The following ASPM variants were observed in gnomAD, a reference collection of about 807,000 sequenced individuals.
ASPM encodes the protein abnormal spindle-like microcephaly-associated protein.
Under a neutral mutation model 366.4 loss-of-function variants are expected in ASPM, and 256 were observed. That is an observed-to-expected ratio of 0.70 (90% CI 0.63 to 0.77). The LOEUF is 0.77. ASPM is among the 30% of genes least tolerant of loss of function. The probability of loss-of-function intolerance (pLI) is 0.00; values close to 1 mark genes in which losing one functional copy is unlikely to be tolerated. For missense variants in ASPM, 4,146 were observed against 4,090.4 expected (o/e 1.01, Z -0.37); for synonymous variants, 1,414 against 1,342.9 (o/e 1.05, Z -1.16).
intron 27 of ASPM, among the ~76,000 whole-genome samples, chr1:197,084,920 T>A (rs1571584428): frequency 6.6e-6 from 1 of 152,282 alleles, no homozygotes; most frequent in East Asian, 1.9e-4. Flanking sequence ...CCATTCTCCA[T>A]CCACCATTTC....
intron 7 of ASPM, among the ~76,000 whole-genome samples, chr1:197,130,696 T>A (rs1658230705): frequency 1.3e-5 from 2 of 152,218 alleles, no homozygotes; most frequent in Admixed American, 6.5e-5. Context: ...TTTACTTTTT[T>A]TGGCCTTTGA....
At position 197,124,094 on chromosome 1, in the gene ASPM, A is replaced by G. The variant is rs780893078; in HGVS notation, c.3390+16T>C. On this transcript the variant is annotated intron_variant, in intron 13 of 27. Coordinates refer to ENST00000367409, the MANE Select transcript of ASPM (RefSeq NM_018136.5). The stretch of plus-strand genomic sequence containing the variant: ...TTAAAATATATTGGGTTAAAACAAA[A>G]AACAAAGAAACTTACCTTTTTATTA... The G allele has an allele frequency of 2.5e-6, 4 of 1,592,358 alleles. No individual in the cohort carries two copies. Among genetic ancestry groups the G allele is most frequent in the Non-Finnish European group, 3.4e-6 (4 of 1,162,562 alleles).
rs1334947797 is a variant in ASPM at position 197,102,254 on chromosome 1, C to G, written c.6997G>C (p.Glu2333Gln). 1.2e-6 allele frequency: 2 copies of G among 1,612,790 alleles called. No homozygotes were observed. Among genetic ancestry groups the G allele is most frequent in the Non-Finnish European group, 1.7e-6 (2 of 1,179,286 alleles). ...ATGAAAGTAGCAGCCCTGTGCATCT[C>G]TCGCATCCTTTTCCTTATCATCCAT... is the stretch of plus-strand genomic sequence containing the variant. The part of the protein sequence containing the change: ...RRWMIRKRMR[E>Q]MHRAATFIQS... The change falls in exon 18 of 28, where the codon GAG (glutamate) becomes CAG (glutamine). Residue 2333 changes from glutamate (E) to glutamine (Q), a missense_variant. Transcript: ENST00000367409.
At position 197,124,190 on chromosome 1, in the gene ASPM, C is replaced by T. The variant is rs1658005986; in HGVS notation, c.3310G>A (p.Gly1104Ser). 2 of 1,612,580 alleles carry T rather than the reference C, an allele frequency of 1.2e-6. No individual in the cohort carries two copies. Among genetic ancestry groups the T allele is most frequent in the African/African-American group, 1.3e-5 (1 of 74,858 alleles). The change falls in exon 13 of 28, where the codon GGT becomes AGT. Residue 1104 changes from glycine (G) to serine (S), a missense_variant. Physicochemically the swap from Gly to Ser is moderately conservative, Grantham distance 56. Around this residue, in one of 3 missense-constraint regions of ASPM, gnomAD observed 3,624 missense variants for 3,591.7 expected, o/e 1.01. Transcript: ENST00000367409. ...TTTTCACTATATTGTTCAAAGGAAC[C>T]ACTATCCCTTTTGCCTTTTTTCTTA... Reference protein sequence around the residue: ...INKKKGKRDSGSFEQYSENIK... With the variant: ...INKKKGKRDSSSFEQYSENIK...
intron 27 of ASPM, among the ~76,000 whole-genome samples, chr1:197,085,285 T>G (rs1656553055): frequency 6.6e-6 from 1 of 152,162 alleles, no homozygotes; most frequent in Non-Finnish European, 1.5e-5. Flanking sequence ...GCATTTGAAA[T>G]TGCCAGCATG....
intron 17 of ASPM, among the ~76,000 whole-genome samples, chr1:197,110,093 A>G (rs543151592): frequency 6.6e-6 from 1 of 152,104 alleles, no homozygotes; most frequent in East Asian, 1.9e-4. Context: ...ACTTAAATGG[A>G]AAGACAAAGC....
chr1:197,086,798 C>T lies in ASPM; in HGVS notation c.10331+5G>A, dbSNP rs368843607. The T allele has an allele frequency of 3.9e-5, 63 of 1,599,496 alleles. 2 individuals carry two copies. In the East Asian group the frequency reaches 7.4e-4, roughly 19 times the overall value. On this transcript the variant is annotated splice_donor_5th_base_variant and intron_variant, in intron 27 of 27. Transcript: ENST00000367409. Reference sequence around the variant, plus strand: ...CAAATTTATGGACTATATTTAATTGCTTACCTTGAAACTATTCTGGTCCTT... The same window carrying T: ...CAAATTTATGGACTATATTTAATTGTTTACCTTGAAACTATTCTGGTCCTT...
Position 197,142,704 on chromosome 1 carries a change from T to C in ASPM, c.1548A>G (p.Lys516=), listed in dbSNP as rs1245204900. The C allele has an allele frequency of 6.2e-7, 1 of 1,614,020 alleles. No individual in the cohort carries two copies. The highest frequency in any genetic ancestry group is 1.3e-5 in the African/African-American group (1 of 75,062). ...RENQTEINKP[K]AKRCLNSAVG... is the part of the protein sequence containing the mutation. ...CTGCACTGTTGAGACATCTTTTTGC[T>C]TTTGGTTTATTAATCTCAGTTTGGT... The change falls in exon 3 of 28, where the codon AAA becomes AAG. Residue 516 remains lysine, a synonymous_variant. Transcript: ENST00000367409.
chr1:197,105,220 G>A, intron 17 of ASPM, 35 bp from the exon 18 acceptor site: 1 of 1,492,192 alleles, frequency 6.7e-7, no homozygotes, highest in Non-Finnish European at 9.3e-7. Context: ...AAGTAAAATA[G>A]GCATAGCTTT....
intron 3 of ASPM, among the ~76,000 whole-genome samples, chr1:197,141,669 C>T (rs1658588157): frequency 6.6e-6 from 1 of 152,172 alleles, no homozygotes; most frequent in Admixed American, 6.5e-5. Flanking sequence ...AAACCCTCTG[C>T]TTCTGTGCTT....
intron 10 of ASPM, among the ~76,000 whole-genome samples, chr1:197,127,018 A>C (rs1260708693): frequency 6.6e-6 from 1 of 152,196 alleles, no homozygotes; most frequent in Non-Finnish European, 1.5e-5. Context: ...GCAATAAACA[A>C]TTTAATCACC....
Position 197,103,377 on chromosome 1 carries a change from C to G in ASPM, c.5874G>C (p.Trp1958Cys), listed in dbSNP as rs948732433. The part of the protein sequence containing the change: ...RHAVLVLQSM[W>C]KGKTLRRQLQ... Reference sequence around the variant, plus strand: ...GCTGTCTTCTCAGTGTTTTTCCCTTCCACATAGATTGAAGCACCAGTACCG... The same window carrying G: ...GCTGTCTTCTCAGTGTTTTTCCCTTGCACATAGATTGAAGCACCAGTACCG... Residue 1958 changes from tryptophan to cysteine, a missense_variant, in exon 18 of 28, where the codon TGG becomes TGC. Around this residue, in one of 3 missense-constraint regions of ASPM, gnomAD observed 3,624 missense variants for 3,591.7 expected, o/e 1.01. Coordinates refer to ENST00000367409, the MANE Select transcript of ASPM (RefSeq NM_018136.5). 4 of 1,613,180 alleles carry G rather than the reference C, an allele frequency of 2.5e-6. No individual in the cohort carries two copies. Among genetic ancestry groups the G allele is most frequent in the Non-Finnish European group, 3.4e-6 (4 of 1,179,512 alleles).
At chr1:197,098,232 G>A (rs934425149) in intron 18 of ASPM, among the ~76,000 whole-genome samples, 1 of 150,800 alleles carries the variant, frequency 6.6e-6, no homozygotes, top group Non-Finnish European at 1.5e-5. Flanking sequence ...ATATATGTAA[G>A]TATTTAGTAA....
intron 18 of ASPM, among the ~76,000 whole-genome samples, chr1:197,097,144 G>T (rs1013545292): frequency 1.3e-5 from 2 of 151,758 alleles, no homozygotes; most frequent in Non-Finnish European, 2.9e-5. Flanking sequence ...TGGCTAGTGA[G>T]CCTTATCTCT....
At chr1:197,117,282 A>T (rs1657764974) in intron 17 of ASPM, among the ~76,000 whole-genome samples, 1 of 152,004 alleles carries the variant, frequency 6.6e-6, no homozygotes, top group Admixed American at 6.6e-5. Flanking sequence ...ACTAATTTAC[A>T]TAGATGTAAA....
At chr1:197,134,473 C>T (rs187003130) in intron 5 of ASPM, among the ~76,000 whole-genome samples, 134 of 152,192 alleles carry the variant, frequency 8.8e-4, no homozygotes, top group Admixed American at 4.5e-3. Context: ...AAATCAGTGT[C>T]TGTCTGAACA....
At chr1:197,117,229 T>C (rs1319983590) in intron 17 of ASPM, among the ~76,000 whole-genome samples, 2 of 152,014 alleles carry the variant, frequency 1.3e-5, no homozygotes, top group African/African-American at 2.4e-5. Flanking sequence ...ATTTAAATAA[T>C]GCACATCTCT....
At position 197,093,178 on chromosome 1, in the gene ASPM, A is replaced by T. The variant is rs191961248; in HGVS notation, c.9168T>A (p.Ala3056=). The change falls in exon 21 of 28, where the codon GCT becomes GCA. Residue 3056 remains alanine, a synonymous_variant. Coordinates refer to ENST00000367409, the MANE Select transcript of ASPM (RefSeq NM_018136.5). The part of the protein sequence containing the change: ...RQVFLRQKSA[A]LIIQKYIRAR... Reference sequence around the variant, plus strand: ...CTCGTATATATTTTTGTATGATCAAAGCAGCAGATTTCTGCCGAAGAAAGA... The same window carrying T: ...CTCGTATATATTTTTGTATGATCAATGCAGCAGATTTCTGCCGAAGAAAGA... 1 of 1,612,678 alleles carries T rather than the reference A, an allele frequency of 6.2e-7. No individual in the cohort carries two copies. Among genetic ancestry groups the T allele is most frequent in the East Asian group, 2.2e-5 (1 of 44,820 alleles).
intron 6 of ASPM, 71 bp downstream of exon 6, chr1:197,133,278 CG>C (rs1202715484): frequency 1.3e-6 from 2 of 1,500,810 alleles, no homozygotes; most frequent in Non-Finnish European, 1.8e-6. Flanking sequence ...TCAATAAAGC[CG>C]GGGGAAAAAA....
Sources: gnomAD v4.1 joint callset for allele counts (sites outside exome capture counted in the v4.1 genomes callset) on GRCh38, gnomAD v4.1.1 for gene constraint, gnomAD v4.1.1 regional missense constraint, MANE v1.5 for transcripts, NCBI Gene and HGNC (gene_info 2026-07-23, HGNC 2026-07-21) for gene names.